ABCB6: variants seen among roughly 807,000 people sequenced by gnomAD.
ABCB6 encodes the protein ATP binding cassette subfamily B member 6 (LAN blood group), also known as ATP-binding cassette sub-family B member 6.
A neutral mutation model predicts 99.4 loss-of-function variants in ABCB6; 87 were observed. The observed-to-expected ratio is 0.88, with a 90% CI of 0.74 to 1.05. The LOEUF is 1.05. Among genes scored for constraint, ABCB6 ranks in the 50% least tolerant of loss-of-function variants. ABCB6 has a pLI of 0.00. For missense variants in ABCB6, 1,050 were observed against 1,097.9 expected (o/e 0.96, Z 0.62); for synonymous variants, 482 against 447.5 (o/e 1.08, Z -0.97).
chr2:219,214,746 T>A (rs1223934057), intron 6 of ABCB6: 3 of 644,608 alleles, frequency 4.7e-6, no homozygotes, highest in East Asian at 5.5e-5. Context: ...CGGCTCAGAC[T>A]TAACGTGACA....
Position 219,212,407 on chromosome 2 carries a change from C to A in ABCB6, c.1948G>T (p.Asp650Tyr). 1 of 1,614,190 alleles carries A rather than the reference C, an allele frequency of 6.2e-7. No individual in the cohort carries two copies. Among genetic ancestry groups the A allele is most frequent in the Non-Finnish European group, 8.5e-7 (1 of 1,180,018 alleles). Residue 650 changes from aspartate (D) to tyrosine (Y), a missense_variant, in exon 14 of 19, where the codon GAT becomes TAT. Asp to Tyr is a radical substitution (Grantham distance 160). Coordinates refer to ENST00000265316, the MANE Select transcript of ABCB6 (RefSeq NM_005689.4). ...CCTACCTGTGAAATGTCCTGCCCATCTATTCGGATGCAGCCAGAGCTGATG... is the reference window on the plus strand; with the variant it reads ...CCTACCTGTGAAATGTCCTGCCCATATATTCGGATGCAGCCAGAGCTGATG... Reference protein sequence around the residue: ...YDISSGCIRIDGQDISQVTQA... With the variant: ...YDISSGCIRIYGQDISQVTQA...
chr2:219,210,517 AC>A, intron 16 of ABCB6, 42 bp from the exon 17 acceptor site: 1 of 1,606,480 alleles, frequency 6.2e-7, no homozygotes. Flanking sequence ...GCCACTCAAA[AC>A]CCTCAATGGA....
intron 1 of ABCB6, 22 bp from the exon 2 acceptor site, chr2:219,217,829 G>A (rs767393484): frequency 6.2e-7 from 1 of 1,603,302 alleles, no homozygotes; most frequent in Non-Finnish European, 8.5e-7. Context: ...TATAAGTGGA[G>A]AGAGTATCAT....
In ABCB6 at chr2:219,210,741, G is replaced by T; in HGVS notation, c.2226C>A (p.Leu742=). 1 of 1,613,808 alleles carries T rather than the reference G, an allele frequency of 6.2e-7. No individual in the cohort carries two copies. The highest frequency in any genetic ancestry group is 2.2e-5 in the East Asian group (1 of 44,890). The change falls in exon 16 of 19, where the codon CTC becomes CTA. Residue 742 remains leucine (L), a synonymous_variant. Transcript: ENST00000265316. ...CCAGCAGAATGATGCCCGGAGCCTTGAGGATGGTGCGGGCAATGGCGACGC... is the reference window on the plus strand; with the variant it reads ...CCAGCAGAATGATGCCCGGAGCCTTTAGGATGGTGCGGGCAATGGCGACGC... ...KQRVAIARTI[L]KAPGIILLDE... is the part of the protein sequence containing the mutation.
rs1482644331 is a variant in ABCB6, at chr2:219,211,053, A to T, written c.2024T>A (p.Leu675His). Residue 675 changes from leucine to histidine, a missense_variant, in exon 15 of 19, where the codon CTC becomes CAC. Physicochemically the swap from Leu to His is moderately conservative, Grantham distance 99 (BLOSUM62 -3). Coordinates refer to ENST00000265316, the MANE Select transcript of ABCB6 (RefSeq NM_005689.4). ...HIGVVPQDTVLFNDTIADNIR... is the reference protein window; with the variant it reads ...HIGVVPQDTVHFNDTIADNIR... ...ATTGTCGGCGATGGTGTCATTAAAG[A>T]GGACAGTGTCTTGGGGCACAACTCC... 6.2e-7 allele frequency: 1 copy of T among 1,614,054 alleles called. No homozygotes were observed. Among genetic ancestry groups the T allele is most frequent in the Non-Finnish European group, 8.5e-7 (1 of 1,180,044 alleles).
chr2:219,212,934 G>C, intron 13 of ABCB6, 74 bp downstream of exon 13: 2 of 1,520,032 alleles, frequency 1.3e-6, no homozygotes, highest in African/African-American at 1.4e-5. Context: ...CCACAGCCTG[G>C]GTCACAAGCT....
chr2:219,213,243 A>G lies in ABCB6; in HGVS notation c.1803T>C (p.Asp601=), dbSNP rs759073924. Residue 601 remains aspartate, a splice_region_variant and synonymous_variant, in exon 12 of 19, where the codon GAT becomes GAC. Transcript: ENST00000265316. ...AGGAAGCAAAAGGAAGGCCTCACCC[A>G]TCGGCATAGCTGAAGTGCACGTTCT... is the stretch of plus-strand genomic sequence containing the variant. ...EFENVHFSYA[D]GRETLQDVSF... The G allele has an allele frequency of 1.7e-5, 27 of 1,614,190 alleles. No homozygotes were observed. In the East Asian group the frequency reaches 5.1e-4, roughly 31 times the overall value.
Position 219,213,882 on chromosome 2 carries a change from C to T in ABCB6, c.1522G>A (p.Gly508Arg), listed in dbSNP as rs757840060. 4.8e-5 allele frequency: 78 copies of T among 1,613,890 alleles called. No individual in the cohort carries two copies. The highest frequency in any genetic ancestry group is 5.9e-5 in the Non-Finnish European group (70 of 1,179,910). The change falls in exon 9 of 19, where the codon GGG (glycine) becomes AGG (arginine). Residue 508 changes from glycine (G) to arginine (R), a missense_variant. Physicochemically the swap from Gly to Arg is moderately radical, Grantham distance 125. Transcript: ENST00000265316. ...CAAAGCAGGGAGCCGGCGAGGAGCCCGAGCCCAATCACCAGGTTCTGGGTC... is the reference window on the plus strand; with the variant it reads ...CAAAGCAGGGAGCCGGCGAGGAGCCTGAGCCCAATCACCAGGTTCTGGGTC... ...NQTQNLVIGL[G>R]LLAGSLLCAY... is the part of the protein sequence containing the mutation.
chr2:219,213,416 C>A, intron 11 of ABCB6, 23 bp downstream of exon 11: 2 of 1,614,178 alleles, frequency 1.2e-6, no homozygotes, highest in Non-Finnish European at 1.7e-6. Flanking sequence ...CTCCCCAAAC[C>A]CTACTCCTCT....
rs1416865071 is a variant in ABCB6 at position 219,212,439 on chromosome 2, A to T, written c.1916T>A (p.Phe639Tyr). ...KSTILRLLFR[F>Y]YDISSGCIRI... ...GATGCAGCCAGAGCTGATGTCGTAGAAGCGAAACAGCAGGCGCAAAATTGT... is the reference window on the plus strand; with the variant it reads ...GATGCAGCCAGAGCTGATGTCGTAGTAGCGAAACAGCAGGCGCAAAATTGT... Residue 639 changes from phenylalanine to tyrosine, a missense_variant, in exon 14 of 19, where the codon TTC becomes TAC. Coordinates refer to ENST00000265316, the MANE Select transcript of ABCB6 (RefSeq NM_005689.4). The T allele has an allele frequency of 6.2e-7, 1 of 1,614,190 alleles. No homozygotes were observed. Among genetic ancestry groups the T allele is most frequent in the East Asian group, 2.2e-5 (1 of 44,876 alleles).
chr2:219,213,167 T>C, intron 12 of ABCB6, 74 bp downstream of exon 12: 6 of 1,605,612 alleles, frequency 3.7e-6, no homozygotes, highest in Non-Finnish European at 5.1e-6. Flanking sequence ...AAAGCAGGGA[T>C]TCAGAGCACT....
chr2:219,210,590 C>A (rs1950564147), intron 16 of ABCB6, 115 bp from the exon 17 acceptor site: 15 of 1,588,892 alleles, frequency 9.4e-6, no homozygotes, highest in Admixed American at 1.7e-5. Context: ...GGCTTGAGAA[C>A]TGGAAAGTGT....
rs1296408198 is a variant in ABCB6, at chr2:219,218,887, G to A, written c.-214C>T. 3 of 533,498 alleles carry A rather than the reference G, an allele frequency of 5.6e-6. No homozygotes were observed. Among genetic ancestry groups the A allele is most frequent in the Admixed American group, 3.9e-5 (1 of 25,620 alleles). The allele number at this position is 533,498 out of a possible 1,614,324, so 33.0% of individuals were successfully genotyped here. A position where few individuals can be genotyped will look rare whatever the true frequency, so the allele number is the denominator to read the frequency against. On this transcript the variant is annotated 5_prime_UTR_variant, in exon 1 of 19. The change creates a new upstream start codon in the 5' untranslated region. Coordinates refer to ENST00000265316, the MANE Select transcript of ABCB6 (RefSeq NM_005689.4). ...GCCGCCACGCACTCACGCAGGGCAC[G>A]TACGCCGTCTCAGCACGGCCCCGCT...
In ABCB6 at chr2:219,209,892, A is replaced by T. The variant is rs988296057; in HGVS notation, c.*46T>A. On this transcript the variant is annotated 3_prime_UTR_variant, in exon 19 of 19. Coordinates refer to ENST00000265316, the MANE Select transcript of ABCB6 (RefSeq NM_005689.4). ...AAGCCAGGGAAAGGAGACACATCTT[A>T]TTCCCTTCTGGGTTAGTCTTTGAGA... 1 of 1,395,592 alleles carries T rather than the reference A, an allele frequency of 7.2e-7. No homozygotes were observed. Among genetic ancestry groups the T allele is most frequent in the East Asian group, 2.3e-5 (1 of 43,830 alleles). 86.5% of individuals were successfully genotyped at this position (1,395,592 alleles called of 1,614,324 possible).
At chr2:219,212,531 CTTTTT>C in intron 13 of ABCB6, 40 bp from the exon 14 acceptor site, 2 of 1,528,150 alleles carry the variant, frequency 1.3e-6, no homozygotes, top group African/African-American at 2.7e-5. Context: ...GGCCCACTGG[CTTTTT>C]TTTTGAGACC....
intron 10 of ABCB6, 32 bp from the exon 11 acceptor site, chr2:219,213,534 A>G: frequency 6.2e-7 from 1 of 1,614,182 alleles, no homozygotes; most frequent in Non-Finnish European, 8.5e-7. Flanking sequence ...GACTTCTCTG[A>G]GTAGCCAGGA....
rs754250687 is a variant in ABCB6 at position 219,210,002 on chromosome 2, C to T, written c.2465G>A (p.Trp822Ter). 1.2e-6 allele frequency: 2 copies of T among 1,614,032 alleles called. No homozygotes were observed. The highest frequency in any genetic ancestry group is 3.3e-5 in the Admixed American group (2 of 60,000). ...LSRGGVYADM[W>*]QLQQGQEETS... is the part of the protein sequence containing the mutation. ...TTCTTCCTGTCCCTGCTGCAGCTGC[C>T]ACATGTCAGCATACACCCCACCTCG... Residue 822 changes from tryptophan to a stop codon, truncating the protein, a stop_gained, in exon 19 of 19, where the codon TGG becomes TAG. Coordinates refer to ENST00000265316, the MANE Select transcript of ABCB6 (RefSeq NM_005689.4). LOFTEE classifies it high-confidence loss of function.
intron 16 of ABCB6, 38 bp downstream of exon 16, chr2:219,210,673 C>T: frequency 1.2e-6 from 2 of 1,612,394 alleles, no homozygotes; most frequent in South Asian, 2.2e-5. Context: ...CTTGAGCATA[C>T]ACAAGGCAGG....
intron 13 of ABCB6, 127 bp from the exon 14 acceptor site, chr2:219,212,618 G>T: frequency 1.4e-6 from 1 of 708,674 alleles, no homozygotes; most frequent in Non-Finnish European, 2.4e-6. Context: ...TGCCTCCCAG[G>T]TTCAAGCGAT....
Sources: gnomAD v4.1 joint callset for allele counts on GRCh38, gnomAD v4.1.1 for gene constraint, MANE v1.5 for transcripts, NCBI Gene and HGNC (gene_info 2026-07-23, HGNC 2026-07-21) for gene names.